COBL: variants seen among roughly 807,000 people sequenced by gnomAD.
COBL encodes protein cordon-bleu.
Under a neutral mutation model 98.8 loss-of-function variants are expected in COBL, and 51 were observed. The observed-to-expected ratio is 0.52, with a 90% CI of 0.41 to 0.65. COBL has a LOEUF of 0.65. COBL is among the 30% of genes least tolerant of loss of function. The pLI, the probability that COBL is intolerant of heterozygous loss-of-function variation, is 0.00. For synonymous variants in COBL, 634 were observed against 651.7 expected (o/e 0.97, Z 0.41); for missense variants, 1,617 against 1,617.5 (o/e 1.00, Z 0.01).
At chr7:51,054,633 C>G (rs1273425616) in intron 7 of COBL, among the ~76,000 whole-genome samples, 1 of 152,180 alleles carries the variant, frequency 6.6e-6, no homozygotes, top group Non-Finnish European at 1.5e-5. Context: ...CCTCGGAACC[C>G]CTAAGGGAGG....
intron 2 of COBL, among the ~76,000 whole-genome samples, chr7:51,212,801 G>A (rs1792584518): frequency 6.6e-6 from 1 of 152,128 alleles, no homozygotes; most frequent in Non-Finnish European, 1.5e-5. Context: ...AGATTGCTGG[G>A]CTCCTCCCCA....
chr7:51,261,976 A>G (rs77027356), intron 1 of COBL, among the ~76,000 whole-genome samples: 7,675 of 152,262 alleles, frequency 0.05, 417 homozygotes, highest in African/African-American at 0.13. Context: ...AGCCTGAGGA[A>G]CGCTAAGCTC....
chr7:51,294,359 C>T (rs1377677895), intron 1 of COBL, among the ~76,000 whole-genome samples: 2 of 149,880 alleles, frequency 1.3e-5, no homozygotes, highest in South Asian at 2.1e-4. Flanking sequence ...AAAGGCAGGG[C>T]GCAGAGCTCA....
chr7:51,300,842 C>A (rs1482977052), intron 1 of COBL, among the ~76,000 whole-genome samples: 2 of 152,180 alleles, frequency 1.3e-5, no homozygotes, highest in African/African-American at 4.8e-5. Context: ...CCCTTCCCAC[C>A]CTTTCCCCAC....
chr7:51,026,601 C>A lies in COBL; in HGVS notation c.3449G>T (p.Arg1150Leu), dbSNP rs775998120. The A allele has an allele frequency of 3.1e-6, 5 of 1,614,166 alleles. No individual in the cohort carries two copies. In the East Asian group the frequency reaches 8.9e-5, roughly 29 times the overall value. The change falls in exon 11 of 13, where the codon CGA becomes CTA. Residue 1150 changes from arginine (R) to leucine (L), a missense_variant. Physicochemically the swap from Arg to Leu is moderately radical, Grantham distance 102. This residue lies in a region of COBL where 1,304 missense variants were observed against 1,282.0 expected (regional missense o/e 1.02). Coordinates refer to ENST00000265136, the MANE Select transcript of COBL (RefSeq NM_015198.5). ...KLSYTEAEGE[R>L]SALLAAIRGH... ...GCGGATAGCTGCCAGCAGTGCAGAT[C>A]GTTCGCCCTCTGCCTCCGTGTAGGA...
At chr7:51,303,848 G>T (rs1802222439) in intron 1 of COBL, among the ~76,000 whole-genome samples, 1 of 152,132 alleles carries the variant, frequency 6.6e-6, no homozygotes. Flanking sequence ...TTTTAAAGGT[G>T]GTCACCCAAT....
chr7:51,048,305 C>T (rs1172104569), intron 7 of COBL, among the ~76,000 whole-genome samples: 2 of 152,074 alleles, frequency 1.3e-5, no homozygotes, highest in African/African-American at 2.4e-5. Context: ...AACAGATGTA[C>T]ATTTTAATTG....
rs564946579 is a variant in COBL at position 51,209,175 on chromosome 7, C to T, written c.245+10566G>A. Among the ~76,000 whole-genome samples the T allele has an allele frequency of 3.2e-4, 49 of 152,076 alleles. No homozygotes were observed. The South Asian group carries it at 1.0e-2, about 31-fold the overall frequency. On this transcript the variant is annotated intron_variant, in intron 2 of 12. Coordinates refer to ENST00000265136, the MANE Select transcript of COBL (RefSeq NM_015198.5). ...GCCCTAACACTGAACCATAAACCCA[C>T]AGGCAAACCCAATCCTACAAGAATC... is the stretch of plus-strand genomic sequence containing the variant.
intron 7 of COBL, among the ~76,000 whole-genome samples, chr7:51,084,285 C>G (rs1294763746): frequency 6.6e-6 from 1 of 152,056 alleles, no homozygotes; most frequent in African/African-American, 2.4e-5. Context: ...GACCTTAGGG[C>G]AAAGGCAAAA....
chr7:51,186,316 C>T (rs1789501235), intron 4 of COBL, among the ~76,000 whole-genome samples: 1 of 152,138 alleles, frequency 6.6e-6, no homozygotes, highest in Admixed American at 6.5e-5. Context: ...AGTCCAGGAG[C>T]ATATTGAATG....
At chr7:51,115,245 T>C (rs968874091) in intron 6 of COBL, among the ~76,000 whole-genome samples, 1 of 152,186 alleles carries the variant, frequency 6.6e-6, no homozygotes, top group Non-Finnish European at 1.5e-5. Flanking sequence ...TCTGATTTTA[T>C]GCATTTTCTC....
At position 51,052,425 on chromosome 7, in the gene COBL, T is replaced by C. The variant is rs10486751; in HGVS notation, c.1097-8733A>G. 0.011 allele frequency among the ~76,000 whole-genome samples: 1,692 copies of C among 152,262 alleles called. 109 individuals carry two copies. In the East Asian group the frequency reaches 0.19, roughly 17 times the overall value. On this transcript the variant is annotated intron_variant, in intron 7 of 12. Transcript: ENST00000265136. ...TTCTATGGAACAAATCTTGGATCCA[T>C]TTATCTGGGAATCTCAACATATTTG...
chr7:51,183,878 C>A (rs1789233510), intron 5 of COBL, among the ~76,000 whole-genome samples: 2 of 152,236 alleles, frequency 1.3e-5, no homozygotes, highest in African/African-American at 4.8e-5. Context: ...TTCCTGTCCC[C>A]CTAGTGAATA....
chr7:51,261,170 A>G (rs1359900768), intron 1 of COBL, among the ~76,000 whole-genome samples: 1 of 152,194 alleles, frequency 6.6e-6, no homozygotes, highest in African/African-American at 2.4e-5. Context: ...AGAGGCGTAC[A>G]TGTACAGCAA....
At chr7:51,271,080 G>A (rs560447005) in intron 1 of COBL, among the ~76,000 whole-genome samples, 4 of 152,266 alleles carry the variant, frequency 2.6e-5, no homozygotes, top group African/African-American at 4.8e-5. Flanking sequence ...GGGACAGGCC[G>A]CCAGGCCTGG....
At chr7:51,221,915 T>C (rs1793683158) in intron 1 of COBL, among the ~76,000 whole-genome samples, 1 of 152,182 alleles carries the variant, frequency 6.6e-6, no homozygotes, top group African/African-American at 2.4e-5. Flanking sequence ...GGGCCAGGTG[T>C]GGTGGCTCAT....
chr7:51,149,613 T>C (rs1332260279), intron 5 of COBL, among the ~76,000 whole-genome samples: 3 of 152,210 alleles, frequency 2.0e-5, no homozygotes, highest in Admixed American at 1.3e-4. Flanking sequence ...TTTTGTTTTG[T>C]ATTTTGTTTT....
At chr7:51,067,578 A>C (rs574816770) in intron 7 of COBL, among the ~76,000 whole-genome samples, 4 of 152,204 alleles carry the variant, frequency 2.6e-5, no homozygotes, top group African/African-American at 9.6e-5. Context: ...CCCTTTTTAG[A>C]ACCACTAGTC....
intron 7 of COBL, among the ~76,000 whole-genome samples, chr7:51,058,587 C>CA (rs755136537): frequency 1.3e-5 from 2 of 150,360 alleles, no homozygotes; most frequent in African/African-American, 2.4e-5. Context: ...ACAACAACAA[C>CA]ACAACCCCCC....
Sources: gnomAD v4.1 joint callset for allele counts (sites outside exome capture counted in the v4.1 genomes callset) on GRCh38, gnomAD v4.1.1 for gene constraint, gnomAD v4.1.1 regional missense constraint, MANE v1.5 for transcripts, NCBI Gene and HGNC (gene_info 2026-07-23, HGNC 2026-07-21) for gene names.